The following TOP2B variants were observed in gnomAD, a reference collection of about 807,000 sequenced individuals.
TOP2B encodes DNA topoisomerase II beta, also known as DNA topoisomerase 2-beta.
A neutral mutation model predicts 193.5 loss-of-function variants in TOP2B; 51 were observed. That is an observed-to-expected ratio of 0.26 (90% CI 0.21 to 0.33). TOP2B has a LOEUF of 0.33. TOP2B is among the 10% of genes least tolerant of loss of function. TOP2B has a pLI of 1.00. For missense variants in TOP2B, 1,378 were observed against 1,909.3 expected (o/e 0.72, Z 5.19); for synonymous variants, 634 against 635.7 (o/e 1.00, Z 0.04).
At chr3:25,609,411 A>G in intron 29 of TOP2B, 67 bp from the exon 30 acceptor site, 2 of 1,468,366 alleles carry the variant, frequency 1.4e-6, no homozygotes, top group East Asian at 2.5e-5. Context: ...TAAAAATAAA[A>G]TTGTTATAAT....
chr3:25,607,368 T>C lies in TOP2B; in HGVS notation c.4101A>G (p.Arg1367=), dbSNP rs1332010836. The stretch of plus-strand genomic sequence containing the variant: ...CTGAGAAATCAAATGTGTATTTAGG[T>C]CTTTCGGCTAGGAGGAAAAATAAAA... ...DSLLRRAAAE[R]PKYTFDFSEE... The change falls in exon 31 of 36, where the codon AGA becomes AGG. Residue 1367 remains arginine (R), a synonymous_variant. Transcript: ENST00000264331. 1 of 1,550,276 alleles carries C rather than the reference T, an allele frequency of 6.5e-7. No individual in the cohort carries two copies. The highest frequency in any genetic ancestry group is 8.7e-7 in the Non-Finnish European group (1 of 1,146,456).
chr3:25,620,873 T>C, intron 21 of TOP2B, 57 bp from the exon 22 acceptor site: 1 of 1,555,480 alleles, frequency 6.4e-7, no homozygotes, highest in Non-Finnish European at 8.8e-7. Flanking sequence ...GTACCATGAG[T>C]CTATGGTCTA....
At chr3:25,617,623 T>A (rs141037627) in intron 25 of TOP2B, among the ~76,000 whole-genome samples, 20 of 152,172 alleles carry the variant, frequency 1.3e-4, no homozygotes, top group African/African-American at 4.8e-4. Flanking sequence ...TTTAAAGATG[T>A]TAATGTTATG....
chr3:25,609,776 GT>G, intron 28 of TOP2B, 64 bp from the exon 29 acceptor site: 1 of 1,398,430 alleles, frequency 7.2e-7, no homozygotes, highest in Non-Finnish European at 9.3e-7. Flanking sequence ...TTTAGAGATA[GT>G]TTCAATCAAC....
In TOP2B at chr3:25,598,453, G is replaced by C. The variant is rs1701987238; in HGVS notation, c.4735C>G (p.Gln1579Glu). The C allele has an allele frequency of 1.9e-6, 3 of 1,592,990 alleles. No individual in the cohort carries two copies. Among genetic ancestry groups the C allele is most frequent in the Non-Finnish European group, 2.6e-6 (3 of 1,172,970 alleles). The part of the protein sequence containing the change: ...SKKPKKTSFD[Q>E]DSDVDIFPSD... Reference sequence around the variant, plus strand: ...GGGAAGATGTCCACATCTGAATCCTGATCAAAAGATGTCTTCTTCGGTTTC... The same window carrying C: ...GGGAAGATGTCCACATCTGAATCCTCATCAAAAGATGTCTTCTTCGGTTTC... The change falls in exon 36 of 36, where the codon CAG (glutamine) becomes GAG (glutamate). Residue 1579 changes from glutamine to glutamate, a missense_variant. By Grantham distance (29) the Gln-to-Glu change is conservative. This residue lies in a region of TOP2B where 556 missense variants were observed against 584.2 expected (regional missense o/e 0.95). Coordinates refer to ENST00000264331, the MANE Select transcript of TOP2B (RefSeq NM_001330700.2).
Position 25,615,289 on chromosome 3 carries a change from C to T in TOP2B, c.3508-1G>A. On this transcript the variant is annotated splice_acceptor_variant, in intron 26 of 35. Coordinates refer to ENST00000264331, the MANE Select transcript of TOP2B (RefSeq NM_001330700.2). LOFTEE classifies it high-confidence loss of function. ...TTTTAAGATCATTGACCTCTCGCCC[C>T]TATAATAAAAAAGTACAGTTTAAAC... The T allele has an allele frequency of 1.2e-6, 2 of 1,605,062 alleles. No individual in the cohort carries two copies. The highest frequency in any genetic ancestry group is 1.7e-6 in the Non-Finnish European group (2 of 1,176,468).
chr3:25,631,007 G>A (rs1443729139), intron 10 of TOP2B, 68 bp from the exon 11 acceptor site: 33 of 1,350,304 alleles, frequency 2.4e-5, no homozygotes, highest in Non-Finnish European at 3.3e-5. Context: ...AATGTATAGG[G>A]CCTAATGCAA....
At chr3:25,631,009 CTAAT>C in intron 10 of TOP2B, 70 bp from the exon 11 acceptor site, 1 of 1,329,344 alleles carries the variant, frequency 7.5e-7, no homozygotes. Context: ...TGTATAGGGC[CTAAT>C]GCAAGACCTG....
rs767371578 is a variant in TOP2B at position 25,598,462 on chromosome 3, A to G, written c.4726T>C (p.Ser1576Pro). 1 of 1,588,288 alleles carries G rather than the reference A, an allele frequency of 6.3e-7. No homozygotes were observed. Among genetic ancestry groups the G allele is most frequent in the East Asian group, 2.2e-5 (1 of 44,546 alleles). Residue 1576 changes from serine (S) to proline (P), a missense_variant, in exon 36 of 36, where the codon TCT (serine) becomes CCT (proline). Around this residue, in one of 9 missense-constraint regions of TOP2B, gnomAD observed 556 missense variants for 584.2 expected, o/e 0.95. Coordinates refer to ENST00000264331, the MANE Select transcript of TOP2B (RefSeq NM_001330700.2). ...TCCACATCTGAATCCTGATCAAAAG[A>G]TGTCTTCTTCGGTTTCTAGATTTTT... ...KTTSKKPKKTSFDQDSDVDIF... is the reference protein window; with the variant it reads ...KTTSKKPKKTPFDQDSDVDIF...
intron 29 of TOP2B, 106 bp from the exon 30 acceptor site, chr3:25,609,450 T>A: frequency 6.8e-7 from 1 of 1,462,716 alleles, no homozygotes; most frequent in South Asian, 1.4e-5. Context: ...TAAACGTTTA[T>A]GAAAATTGAA....
intron 30 of TOP2B, 39 bp downstream of exon 30, chr3:25,609,143 TA>T: frequency 6.6e-7 from 1 of 1,522,308 alleles, no homozygotes; most frequent in Non-Finnish European, 8.9e-7. Flanking sequence ...ACGTATAGGT[TA>T]AACTATAATA....
chr3:25,652,007 A>G (rs925985809), intron 1 of TOP2B, among the ~76,000 whole-genome samples: 5 of 152,250 alleles, frequency 3.3e-5, no homozygotes, highest in African/African-American at 1.2e-4. Context: ...AAAAGGATGG[A>G]AAAAGATATT....
chr3:25,649,652 C>G (rs1703523374), intron 1 of TOP2B, among the ~76,000 whole-genome samples: 2 of 149,500 alleles, frequency 1.3e-5, no homozygotes, highest in Admixed American at 6.6e-5. Context: ...TTGTATCCAG[C>G]AAAAGTGCCC....
chr3:25,609,461 G>A lies in TOP2B; in HGVS notation c.3931+107C>T, dbSNP rs113287733. 5.1e-5 allele frequency: 75 copies of A among 1,463,392 alleles called. 1 individual carries two copies. The African/African-American group carries it at 7.2e-4, about 14-fold the overall frequency. The allele number at this position is 1,463,392 out of a possible 1,614,324, so 90.7% of individuals were successfully genotyped here. On this transcript the variant is annotated intron_variant, in intron 29 of 35. Coordinates refer to ENST00000264331, the MANE Select transcript of TOP2B (RefSeq NM_001330700.2). Reference sequence around the variant, plus strand: ...AAAATAAACGTTTATGAAAATTGAAGGCATTATTTCAACTACCAGAAAAAG... The same window carrying A: ...AAAATAAACGTTTATGAAAATTGAAAGCATTATTTCAACTACCAGAAAAAG...
rs1575593251 is a variant in TOP2B, at chr3:25,664,861, C to T, written c.-564G>A. On this transcript the variant is annotated 5_prime_UTR_variant, in exon 1 of 36. Transcript: ENST00000264331. ...GGACAATAAACAGAGCCGCCGCCGCCGCCGCCACGGTCACCTCCCTCTTGT... is the reference window on the plus strand; with the variant it reads ...GGACAATAAACAGAGCCGCCGCCGCTGCCGCCACGGTCACCTCCCTCTTGT... 1 of 991,842 alleles carries T rather than the reference C, an allele frequency of 1.0e-6. No individual in the cohort carries two copies. Among genetic ancestry groups the T allele is most frequent in the East Asian group, 1.1e-4 (1 of 8,894 alleles). The allele number at this position is 991,842 out of a possible 1,614,324, so 61.4% of individuals were successfully genotyped here.
In TOP2B at chr3:25,601,209, A is replaced by G; in HGVS notation, c.4506T>C (p.Asp1502=). 1 of 1,613,298 alleles carries G rather than the reference A, an allele frequency of 6.2e-7. No individual in the cohort carries two copies. ...VAAKKGKPSS[D]TVPKPKRAPK... is the part of the protein sequence containing the mutation. ...GGGCTCTCTTGGGCTTAGGGACTGTATCTGAAGACGGTTTTCCTAGTAAGC... is the reference window on the plus strand; with the variant it reads ...GGGCTCTCTTGGGCTTAGGGACTGTGTCTGAAGACGGTTTTCCTAGTAAGC... The change falls in exon 34 of 36, where the codon GAT becomes GAC. Residue 1502 remains aspartate, a synonymous_variant. Coordinates refer to ENST00000264331, the MANE Select transcript of TOP2B (RefSeq NM_001330700.2).
chr3:25,624,892 C>A, intron 18 of TOP2B, 89 bp from the exon 19 acceptor site: 1 of 1,253,266 alleles, frequency 8.0e-7, no homozygotes, highest in Non-Finnish European at 1.1e-6. Context: ...ATTTGCTTTT[C>A]AAGAACACCA....
intron 2 of TOP2B, 121 bp from the exon 3 acceptor site, chr3:25,643,905 C>T (rs1234064106): frequency 6.3e-6 from 4 of 637,402 alleles, no homozygotes; most frequent in Non-Finnish European, 1.1e-5. Flanking sequence ...AGTAGAAAAA[C>T]ATATACAACT....
chr3:25,615,437 A>G lies in TOP2B; in HGVS notation c.3501T>C (p.Asp1167=), dbSNP rs61733940. Reference sequence around the variant, plus strand: ...AACCCACAAAAGTTCATACTTTTGCATCTCTCTGTTTAATCAGTTCTTCAA... The same window carrying G: ...AACCCACAAAAGTTCATACTTTTGCGTCTCTCTGTTTAATCAGTTCTTCAA... The part of the protein sequence containing the change: ...EKVEELIKQR[D]AKGREVNDLK... The change falls in exon 26 of 36, where the codon GAT becomes GAC. Residue 1167 remains aspartate (D), a synonymous_variant. Transcript: ENST00000264331. 1.5e-3 allele frequency: 2,389 copies of G among 1,551,100 alleles called. 42 individuals are homozygous for G. The African/African-American group carries it at 0.029, about 19-fold the overall frequency.
Sources: gnomAD v4.1 joint callset for allele counts (sites outside exome capture counted in the v4.1 genomes callset) on GRCh38, gnomAD v4.1.1 for gene constraint, gnomAD v4.1.1 regional missense constraint, MANE v1.5 for transcripts, NCBI Gene and HGNC (gene_info 2026-07-23, HGNC 2026-07-21) for gene names.